ANKRD46: variants seen among roughly 807,000 people sequenced by gnomAD.
ANKRD46 encodes ankyrin repeat domain-containing protein 46.
ANKRD46 carries 13 observed loss-of-function variants against 19.8 expected under a neutral mutation model. That is an observed-to-expected ratio of 0.66 (90% CI 0.43 to 1.04). The LOEUF is 1.04. Ranked by LOEUF, ANKRD46 falls within the 50% of genes least tolerant of loss-of-function variation. The pLI, the probability that ANKRD46 is intolerant of heterozygous loss-of-function variation, is 0.00. For missense variants in ANKRD46, 185 were observed against 274.8 expected (o/e 0.67, Z 2.31); for synonymous variants, 91 against 106.9 (o/e 0.85, Z 0.92).
chr8:100,511,791 A>G lies in ANKRD46; in HGVS notation c.637-1152T>C, dbSNP rs1318097808. 1.3e-5 allele frequency among the ~76,000 whole-genome samples: 2 copies of G among 152,230 alleles called. No homozygotes were observed. The highest frequency in any genetic ancestry group is 2.9e-5 in the Non-Finnish European group (2 of 68,042). ...GTAATCCCAGCACTTTGGGAGGTCA[A>G]TGCGGGCAGATCACTTGAGGTCAGG... On this transcript the variant is annotated intron_variant, in intron 5 of 5. Transcript: ENST00000520552. This position sits in a 1 kb window ranked among gnomAD's most constrained non-coding sequence, Gnocchi z 4.1.
At chr8:100,551,490 T>C (rs1405863116) in intron 1 of ANKRD46, 8 of 776,262 alleles carry the variant, frequency 1.0e-5, no homozygotes, top group Non-Finnish European at 1.6e-5. Context: ...TCCTGGAAGA[T>C]GGTGATGGGA....
At chr8:100,531,440 T>C (rs1811960616) in intron 2 of ANKRD46, among the ~76,000 whole-genome samples, 1 of 152,246 alleles carries the variant, frequency 6.6e-6, no homozygotes, top group African/African-American at 2.4e-5. Context: ...GCAGAGCCAT[T>C]GTCCCAAAAT....
chr8:100,528,382 T>C (rs1563927600), intron 3 of ANKRD46, among the ~76,000 whole-genome samples: 2 of 152,260 alleles, frequency 1.3e-5, no homozygotes, highest in Admixed American at 6.5e-5. Flanking sequence ...TTTTCTGAAT[T>C]GTACTATAGA....
At chr8:100,541,869 G>C in intron 1 of ANKRD46, among the ~76,000 whole-genome samples, 1 of 152,158 alleles carries the variant, frequency 6.6e-6, no homozygotes, top group East Asian at 1.9e-4. Context: ...ATTTGCCACA[G>C]TATTAAAACT....
rs1586796920 is a variant in ANKRD46 at position 100,543,299 on chromosome 8, C to T, written c.-130-9988G>A. 6.6e-6 allele frequency among the ~76,000 whole-genome samples: 1 copy of T among 152,154 alleles called. No homozygotes were observed. Among genetic ancestry groups the T allele is most frequent in the Non-Finnish European group, 1.5e-5 (1 of 68,024 alleles). ...CAACTGTTGATACAAACCTTATTTT[C>T]GTTTTAATTCTTATTCTCAATCTCA... On this transcript the variant is annotated intron_variant, in intron 1 of 4. Transcript: ENST00000335659. This position sits in a 1 kb window ranked among gnomAD's most constrained non-coding sequence, Gnocchi z 4.2.
chr8:100,536,557 C>G lies in ANKRD46; in HGVS notation c.-130-3246G>C, dbSNP rs1236019086. 6.6e-6 allele frequency among the ~76,000 whole-genome samples: 1 copy of G among 152,112 alleles called. No homozygotes were observed. Among genetic ancestry groups the G allele is most frequent in the Non-Finnish European group, 1.5e-5 (1 of 68,012 alleles). ...TACGGAAGAAAGCTTGCATACAGCA[C>G]TGATCCCCTGGTAACAGAGCAGCTT... On this transcript the variant is annotated intron_variant, in intron 1 of 4. Coordinates refer to ENST00000335659, the MANE Select transcript of ANKRD46 (RefSeq NM_001270377.2). This position sits in a 1 kb window ranked among gnomAD's most constrained non-coding sequence, Gnocchi z 4.9.
rs731082 is a variant in ANKRD46 at position 100,527,545 on chromosome 8, C to T, written c.470+300G>A. Among the ~76,000 whole-genome samples the T allele has an allele frequency of 0.58, 88,515 of 152,076 alleles. 27,486 individuals carry two copies. The highest frequency in any genetic ancestry group is 0.82 in the African/African-American group (33,926 of 41,498). On this transcript the variant is annotated intron_variant, in intron 4 of 4. Transcript: ENST00000335659. The surrounding 1 kb of genome is among the most constrained non-coding windows in gnomAD (Gnocchi z 4.0). ...AGCAGGTGGCTAACAGAACATTATG[C>T]GCACATGACATGTAGTACTTTCTGT...
Position 100,558,344 on chromosome 8 carries a change from G to A in ANKRD46, c.-131+1367C>T, listed in dbSNP as rs543606606. ...AACTTACTATCATCAAAAAATCTTTGATTTCCCTCTGGTACTGCTACCATA... is the reference window on the plus strand; with the variant it reads ...AACTTACTATCATCAAAAAATCTTTAATTTCCCTCTGGTACTGCTACCATA... On this transcript the variant is annotated intron_variant, in intron 1 of 4. Coordinates refer to ENST00000335659, the MANE Select transcript of ANKRD46 (RefSeq NM_001270377.2). Among the ~76,000 whole-genome samples, 33 of 152,216 alleles carry A rather than the reference G, an allele frequency of 2.2e-4. No homozygotes were observed. In the South Asian group the frequency reaches 6.8e-3, roughly 32 times the overall value.
intron 1 of ANKRD46, among the ~76,000 whole-genome samples, chr8:100,547,676 A>G (rs1032700451): frequency 5.9e-5 from 9 of 152,150 alleles, no homozygotes; most frequent in Non-Finnish European, 1.0e-4. Flanking sequence ...TACTCCAGAC[A>G]CTGCTCCAAA....
Position 100,510,406 on chromosome 8 carries a change from G to A in ANKRD46, c.*171C>T. On this transcript the variant is annotated 3_prime_UTR_variant, in exon 6 of 6. Coordinates refer to the ANKRD46 transcript ENST00000520552. This position sits in a 1 kb window ranked among gnomAD's most constrained non-coding sequence, Gnocchi z 4.9. Reference sequence around the variant, plus strand: ...GCTGCCTGCAGGGCAGGACTGGAGAGGAGGGGACAGGTGGTAGCAGGTCCC... The same window carrying A: ...GCTGCCTGCAGGGCAGGACTGGAGAAGAGGGGACAGGTGGTAGCAGGTCCC... 1 of 540,952 alleles carries A rather than the reference G, an allele frequency of 1.8e-6. No homozygotes were observed. The highest frequency in any genetic ancestry group is 3.1e-5 in the East Asian group (1 of 32,644). 33.5% of individuals were successfully genotyped at this position (540,952 alleles called of 1,614,324 possible). A position where few individuals can be genotyped will look rare whatever the true frequency, so the allele number is the denominator to read the frequency against.
chr8:100,509,866 C>A, exon 6 of ANKRD46: 1 of 152,416 alleles, frequency 6.6e-6, no homozygotes. Flanking sequence ...AGGATGAGAA[C>A]CAGGGAAAAC....
At chr8:100,533,054 T>C (rs1483731986) in intron 2 of ANKRD46, among the ~76,000 whole-genome samples, 155 bp downstream of exon 2, 1 of 152,256 alleles carries the variant, frequency 6.6e-6, no homozygotes, top group Non-Finnish European at 1.5e-5. Flanking sequence ...TTTGTCAGTT[T>C]CTCTGTGTCC....
rs1812520030 is a variant in ANKRD46 at position 100,557,211 on chromosome 8, A to G, written c.-131+2500T>C. Among the ~76,000 whole-genome samples the G allele has an allele frequency of 6.6e-6, 1 of 152,080 alleles. No individual in the cohort carries two copies. Among genetic ancestry groups the G allele is most frequent in the South Asian group, 2.1e-4 (1 of 4,822 alleles). On this transcript the variant is annotated intron_variant, in intron 1 of 4. Transcript: ENST00000335659. This position sits in a 1 kb window ranked among gnomAD's most constrained non-coding sequence, Gnocchi z 5.9. ...AACCCCACTTGAACAGGCATCTCAA[A>G]CCTGACTAAAACTGGCTCCACCTAC...
At chr8:100,518,614 G>T (rs961979764), downstream of ANKRD46, among the ~76,000 whole-genome samples, 13 of 152,186 alleles carry the variant, frequency 8.5e-5, no homozygotes, top group Non-Finnish European at 1.5e-4. Flanking sequence ...CACTTTGGGA[G>T]GCCGAGGCGG....
intron 1 of ANKRD46, among the ~76,000 whole-genome samples, chr8:100,548,637 T>C (rs1812319316): frequency 6.6e-6 from 1 of 152,240 alleles, no homozygotes; most frequent in Non-Finnish European, 1.5e-5. Context: ...GTATCTTTTC[T>C]GTTAAGTGAA....
At chr8:100,541,085 A>G (rs1812166313) in intron 1 of ANKRD46, among the ~76,000 whole-genome samples, 1 of 150,826 alleles carries the variant, frequency 6.6e-6, no homozygotes. Flanking sequence ...GTTATTTACC[A>G]TAATTCTCAC....
chr8:100,540,981 T>C (rs1462030962), intron 1 of ANKRD46, among the ~76,000 whole-genome samples: 4 of 150,504 alleles, frequency 2.7e-5, no homozygotes, highest in African/African-American at 7.4e-5. Context: ...GGGTGCCACC[T>C]TGTGGCCTGC....
chr8:100,547,835 T>G (rs1391273665), intron 1 of ANKRD46, among the ~76,000 whole-genome samples: 2 of 152,236 alleles, frequency 1.3e-5, no homozygotes, highest in African/African-American at 4.8e-5. Flanking sequence ...TTATTGACAC[T>G]GCTTTCACTC....
rs145360568 is a variant in ANKRD46, at chr8:100,555,225, A to G, written c.-131+4486T>C. Among the ~76,000 whole-genome samples the G allele has an allele frequency of 2.3e-3, 356 of 152,190 alleles. 2 individuals are homozygous for G. Among genetic ancestry groups the G allele is most frequent in the Middle Eastern group, 0.01 (3 of 294 alleles). On this transcript the variant is annotated intron_variant, in intron 1 of 4. Coordinates refer to ENST00000335659, the MANE Select transcript of ANKRD46 (RefSeq NM_001270377.2). ...GAATGGTACTAGTATGACAAATTCA[A>G]TATTATAGTCTCAGAAGTTCTTTCA...
Sources: gnomAD v4.1 joint callset for allele counts (sites outside exome capture counted in the v4.1 genomes callset) on GRCh38, gnomAD v4.1.1 for gene constraint, Gnocchi (gnomAD v3.1) non-coding constraint, MANE v1.5 for transcripts, NCBI Gene and HGNC (gene_info 2026-07-23, HGNC 2026-07-21) for gene names.